EBI3: variants seen among roughly 807,000 people sequenced by gnomAD.
EBI3 encodes the protein Epstein-Barr virus induced 3, also known as interleukin-27 subunit beta.
Under a neutral mutation model 21.3 loss-of-function variants are expected in EBI3, and 19 were observed. The ratio of observed to expected loss-of-function variants is 0.89; its 90% CI spans 0.62 to 1.31. The LOEUF (loss-of-function observed/expected upper bound fraction) is 1.31, where lower values mean the gene tolerates loss of function less well. EBI3 is among the 50% of genes most tolerant of loss of function. The pLI is 0.00. For synonymous variants in EBI3, 154 were observed against 131.2 expected, an observed-to-expected ratio of 1.17 and a Z score of -1.19; for missense variants, 331 against 314.0, an observed-to-expected ratio of 1.05 and a Z score of -0.41.
intron 3 of EBI3, among the ~76,000 whole-genome samples, chr19:4,234,355 A>C (rs566167554): frequency 8.3e-4 from 126 of 152,230 alleles, no homozygotes; most frequent in Non-Finnish European, 1.2e-3. Context: ...GGGGTAGGTC[A>C]GTTAAGGTCA....
In EBI3 at chr19:4,234,693, C is replaced by T. The variant is rs570046136; in HGVS notation, c.406C>T (p.Arg136Cys). 2.3e-4 allele frequency: 373 copies of T among 1,613,876 alleles called. No homozygotes were observed. The highest frequency in any genetic ancestry group is 3.0e-4 in the Non-Finnish European group (354 of 1,179,978). The change falls in exon 4 of 5, where the codon CGC becomes TGC. Residue 136 changes from arginine (R) to cysteine (C), a missense_variant. Arg to Cys is a radical substitution (Grantham distance 180). Coordinates refer to ENST00000221847, the MANE Select transcript of EBI3 (RefSeq NM_005755.3). Reference protein sequence around the residue: ...IIKPDPPEGVRLSPLAERQLQ... With the variant: ...IIKPDPPEGVCLSPLAERQLQ... ...CAAGCCCGACCCTCCAGAAGGCGTG[C>T]GCCTAAGCCCCCTCGCTGAGCGCCA...
intron 3 of EBI3, among the ~76,000 whole-genome samples, chr19:4,234,141 G>A (rs1416290568): frequency 6.6e-6 from 1 of 152,226 alleles, no homozygotes; most frequent in African/African-American, 2.4e-5. Flanking sequence ...AGGAGGTGGA[G>A]GTTGCCGTGA....
In EBI3 at chr19:4,231,330, G is replaced by A. The variant is rs762059621; in HGVS notation, c.200+7G>A. 1 of 1,600,216 alleles carries A rather than the reference G, an allele frequency of 6.2e-7. No homozygotes were observed. The highest frequency in any genetic ancestry group is 8.5e-7 in the Non-Finnish European group (1 of 1,175,332). ...CCTTCATTGCCACGTACAGGTCGGAGAGCCTGGAAGGGGGCCTCAGGGACA... is the reference window on the plus strand; with the variant it reads ...CCTTCATTGCCACGTACAGGTCGGAAAGCCTGGAAGGGGGCCTCAGGGACA... On this transcript the variant is annotated splice_region_variant and intron_variant, in intron 2 of 4. Coordinates refer to ENST00000221847, the MANE Select transcript of EBI3 (RefSeq NM_005755.3).
Position 4,237,118 on chromosome 19 carries a change from C to G in EBI3, c.*30C>G. ...GGCTTCCCGCTGCCTCCAGACAGCA[C>G]CTGGGTCCTCGCCACCCTAAGCCCC... On this transcript the variant is annotated 3_prime_UTR_variant, in exon 5 of 5. Transcript: ENST00000221847. 2 of 1,452,030 alleles carry G rather than the reference C, an allele frequency of 1.4e-6. No individual in the cohort carries two copies. Among genetic ancestry groups the G allele is most frequent in the Non-Finnish European group, 9.2e-7 (1 of 1,092,150 alleles). The allele number at this position is 1,452,030 out of a possible 1,614,324, so 89.9% of individuals were successfully genotyped here.
rs776254267 is a variant in EBI3 at position 4,233,320 on chromosome 19, G to A, written c.379+13G>A. 8.2e-6 allele frequency: 13 copies of A among 1,577,156 alleles called. No individual in the cohort carries two copies. In the African/African-American group the frequency reaches 9.5e-5, roughly 12 times the overall value. On this transcript the variant is annotated intron_variant, in intron 3 of 4. Transcript: ENST00000221847. ...ACAGAGCACATCAGTGAGTGGGGGC[G>A]GCAGTGGGGGCGGGGGCGGGGCTGC... is the stretch of plus-strand genomic sequence containing the variant.
Position 4,233,203 on chromosome 19 carries a change from C to T in EBI3, c.275C>T (p.Thr92Met), listed in dbSNP as rs1970806845. 9.3e-6 allele frequency: 15 copies of T among 1,612,266 alleles called. No homozygotes were observed. Among genetic ancestry groups the T allele is most frequent in the African/African-American group, 1.3e-5 (1 of 74,908 alleles). ...CCAACGTCCACCAGCTGCACCATCA[C>T]GGATGTCCAGCTGTTCTCCATGGCT... ...QTPTSTSCTITDVQLFSMAPY... is the reference protein window; with the variant it reads ...QTPTSTSCTIMDVQLFSMAPY... Residue 92 changes from threonine (T) to methionine (M), a missense_variant, in exon 3 of 5, where the codon ACG becomes ATG. Thr to Met is a moderately conservative substitution (Grantham distance 81). Transcript: ENST00000221847.
intron 1 of EBI3, among the ~76,000 whole-genome samples, chr19:4,230,850 C>T (rs1021818256): frequency 2.0e-5 from 3 of 151,842 alleles, no homozygotes; most frequent in Admixed American, 2.0e-4. Flanking sequence ...GCACTCCAGC[C>T]TAGGCGACAG....
chr19:4,232,159 C>T (rs953864103), intron 2 of EBI3, among the ~76,000 whole-genome samples: 1 of 120,000 alleles, frequency 8.3e-6, no homozygotes, highest in African/African-American at 3.3e-5. Context: ...AGGAGGTGGA[C>T]GTTGCAGTGA....
chr19:4,232,160 G>A (rs985347550), intron 2 of EBI3, among the ~76,000 whole-genome samples: 25 of 141,644 alleles, frequency 1.8e-4, no homozygotes, highest in African/African-American at 5.9e-4. Context: ...GGAGGTGGAC[G>A]TTGCAGTGAG....
intron 3 of EBI3, among the ~76,000 whole-genome samples, chr19:4,234,148 G>C (rs183126772): frequency 2.6e-5 from 4 of 152,208 alleles, no homozygotes; most frequent in Non-Finnish European, 5.9e-5. Context: ...GGAGGTTGCC[G>C]TGAGCTGAGA....
intron 2 of EBI3, among the ~76,000 whole-genome samples, chr19:4,231,526 T>C (rs1047902505): frequency 6.6e-6 from 1 of 152,074 alleles, no homozygotes; most frequent in Non-Finnish European, 1.5e-5. Flanking sequence ...TCCCAGCGCT[T>C]TGGGAGGCCG....
rs147668385 is a variant in EBI3, at chr19:4,232,184, G to A, written c.200+861G>A. On this transcript the variant is annotated intron_variant, in intron 2 of 4. Transcript: ENST00000221847. ...CGTTGCAGTGAGCCAATATTGCATC[G>A]CTGCACTGCATCCTGGTGATAGAGT... Among the ~76,000 whole-genome samples, 50 of 120,530 alleles carry A rather than the reference G, an allele frequency of 4.1e-4. 4 individuals carry two copies. The highest frequency in any genetic ancestry group is 6.7e-5 in the African/African-American group (2 of 29,734). The allele number at this position is 120,530 out of a possible 152,430, so 79.1% of individuals were successfully genotyped here.
intron 2 of EBI3, 158 bp from the exon 3 acceptor site, chr19:4,232,971 G>T: frequency 3.9e-6 from 3 of 769,126 alleles, no homozygotes; most frequent in Non-Finnish European, 5.8e-6. Context: ...TGCCCCCGGG[G>T]GGTGGCACGG....
chr19:4,232,544 C>G (rs904540910), intron 2 of EBI3, among the ~76,000 whole-genome samples: 1 of 115,780 alleles, frequency 8.6e-6, no homozygotes, highest in Non-Finnish European at 1.7e-5. Flanking sequence ...ATACTGAGAC[C>G]CCCCCCCATC....
intron 2 of EBI3, among the ~76,000 whole-genome samples, chr19:4,232,482 C>A (rs1970793948): frequency 6.6e-6 from 1 of 151,716 alleles, no homozygotes; most frequent in Non-Finnish European, 1.5e-5. Flanking sequence ...ACTTGGGAGG[C>A]CGAGGTGGGA....
At chr19:4,234,014 T>C (rs1239710654) in intron 3 of EBI3, among the ~76,000 whole-genome samples, 1 of 152,050 alleles carries the variant, frequency 6.6e-6, no homozygotes, top group Non-Finnish European at 1.5e-5. Context: ...AGACCAGTCC[T>C]GGCCAACATG....
chr19:4,231,352 G>A, intron 2 of EBI3, 29 bp downstream of exon 2: 1 of 1,580,916 alleles, frequency 6.3e-7, no homozygotes, highest in Non-Finnish European at 8.6e-7. Context: ...GGGCCTCAGG[G>A]ACACTGGACT....
At chr19:4,235,597 G>A (rs541191304) in intron 4 of EBI3, among the ~76,000 whole-genome samples, 19 of 152,348 alleles carry the variant, frequency 1.2e-4, no homozygotes, top group African/African-American at 4.3e-4. Context: ...GACTACAGGT[G>A]TGAGGACTTC....
intron 2 of EBI3, 79 bp from the exon 3 acceptor site, chr19:4,233,050 C>G: frequency 7.2e-7 from 1 of 1,397,062 alleles, no homozygotes; most frequent in Non-Finnish European, 9.3e-7. Context: ...TCCTTGGGGT[C>G]CCGGGTCAGG....
Sources: gnomAD v4.1 joint callset for allele counts (sites outside exome capture counted in the v4.1 genomes callset) on GRCh38, gnomAD v4.1.1 for gene constraint, MANE v1.5 for transcripts, NCBI Gene and HGNC (gene_info 2026-07-23, HGNC 2026-07-21) for gene names.